The following C1orf105 variants were observed in gnomAD, a reference collection of about 807,000 sequenced individuals.
The protein encoded by C1orf105 is uncharacterized protein C1orf105.
C1orf105 carries 17 observed loss-of-function variants against 20.8 expected under a neutral mutation model. The ratio of observed to expected loss-of-function variants is 0.82; its 90% CI spans 0.56 to 1.23. The LOEUF (loss-of-function observed/expected upper bound fraction) is 1.23, where lower values mean the gene tolerates loss of function less well. C1orf105 is among the 50% of genes most tolerant of loss of function. The pLI, the probability that C1orf105 is intolerant of heterozygous loss-of-function variation, is 0.00. For synonymous variants in C1orf105, 72 were observed against 72.1 expected (o/e 1.00, Z 0.01); for missense variants, 219 against 213.5 (o/e 1.03, Z -0.16).
chr1:172,420,816 CCA>C lies in C1orf105; in HGVS notation c.-67_-66del. The C allele has an allele frequency of 6.6e-7, 1 of 1,513,982 alleles. No individual in the cohort carries two copies. The highest frequency in any genetic ancestry group is 9.2e-7 in the Non-Finnish European group (1 of 1,091,648). 93.8% of individuals were successfully genotyped at this position (1,513,982 alleles called of 1,614,324 possible). A position where few individuals can be genotyped will look rare whatever the true frequency, so the allele number is the denominator to read the frequency against. On this transcript the variant is annotated 5_prime_UTR_variant, in exon 1 of 7. Transcript: ENST00000367727. ...GTTCTCCACAGCAGTCTTCCACTGG[CCA>C]CAGTGAGGGGAGCTAGGTTTCCCCA...
chr1:172,454,417 A>G (rs1649006250), intron 3 of C1orf105, among the ~76,000 whole-genome samples: 1 of 151,762 alleles, frequency 6.6e-6, no homozygotes, highest in Non-Finnish European at 1.5e-5. Flanking sequence ...GGATGGAGGG[A>G]GGAGCTGGAG....
intron 1 of C1orf105, among the ~76,000 whole-genome samples, chr1:172,429,987 C>T (rs780554746): frequency 6.6e-6 from 1 of 152,172 alleles, no homozygotes; most frequent in African/African-American, 2.4e-5. Context: ...TTACCTGTAA[C>T]TTAGAGTGAT....
At chr1:172,444,574 T>C (rs964777788) in intron 1 of C1orf105, among the ~76,000 whole-genome samples, 4 of 152,142 alleles carry the variant, frequency 2.6e-5, no homozygotes, top group African/African-American at 9.7e-5. Context: ...AGAGGACAAA[T>C]CTAAGGCTCA....
intron 3 of C1orf105, chr1:172,453,070 G>A (rs755990886): frequency 7.5e-5 from 116 of 1,550,480 alleles, no homozygotes; most frequent in Non-Finnish European, 9.2e-5. Flanking sequence ...TGTTTGCGTC[G>A]CCTTTAAAGT....
chr1:172,441,775 C>T, intron 1 of C1orf105: 1 of 1,593,428 alleles, frequency 6.3e-7, no homozygotes, highest in African/African-American at 1.3e-5. Context: ...AGCTTCATCC[C>T]AAGGCCCATG....
intron 1 of C1orf105, chr1:172,444,399 A>G (rs2149172437): frequency 1.5e-6 from 1 of 660,112 alleles, no homozygotes; most frequent in East Asian, 1.4e-4. Context: ...CCGTGCATCC[A>G]TGCGTTCATT....
chr1:172,422,960 C>T (rs866738774), intron 1 of C1orf105, among the ~76,000 whole-genome samples: 11 of 152,280 alleles, frequency 7.2e-5, no homozygotes, highest in African/African-American at 2.6e-4. Flanking sequence ...AGGTCAGCCA[C>T]AGTAGAATAC....
intron 1 of C1orf105, among the ~76,000 whole-genome samples, chr1:172,429,227 C>T (rs1033157848): frequency 0.032 from 17 of 528 alleles, no homozygotes; most frequent in African/African-American, 0.086. Flanking sequence ...CAAATATACA[C>T]ACACACACAC....
chr1:172,426,836 C>A (rs1302778926), intron 1 of C1orf105, among the ~76,000 whole-genome samples: 1 of 152,170 alleles, frequency 6.6e-6, no homozygotes, highest in Non-Finnish European at 1.5e-5. Context: ...CAATCATTGT[C>A]ATCATGCCCA....
chr1:172,442,602 A>G, intron 1 of C1orf105: 1 of 1,613,320 alleles, frequency 6.2e-7, no homozygotes, highest in East Asian at 2.2e-5. Context: ...CCTTGGTGTT[A>G]GTCACAGGTT....
intron 1 of C1orf105, among the ~76,000 whole-genome samples, chr1:172,434,089 C>T (rs541458899): frequency 6.6e-6 from 1 of 152,160 alleles, no homozygotes; most frequent in Non-Finnish European, 1.5e-5. Flanking sequence ...TAAAGGAGCA[C>T]CCAGATTCAT....
chr1:172,446,073 C>T (rs935141915), intron 2 of C1orf105, among the ~76,000 whole-genome samples: 2 of 152,118 alleles, frequency 1.3e-5, no homozygotes, highest in African/African-American at 4.8e-5. Context: ...GCTTTGTCTA[C>T]TGTACATTAA....
chr1:172,455,469 T>G (rs775460425), intron 3 of C1orf105, among the ~76,000 whole-genome samples: 2 of 152,226 alleles, frequency 1.3e-5, no homozygotes, highest in African/African-American at 4.8e-5. Context: ...CTTCCCCATA[T>G]TCTGCACTTT....
chr1:172,468,360 T>G (rs1650211231), intron 6 of C1orf105, 89 bp from the exon 7 acceptor site: 1 of 1,007,950 alleles, frequency 9.9e-7, no homozygotes, highest in Non-Finnish European at 1.4e-6. Context: ...GTTGAAGAAG[T>G]CTTTGTTGGC....
In C1orf105 at chr1:172,445,061, A is replaced by T. The variant is rs776479388; in HGVS notation, c.22-12A>T. ...TGATATATTCTGTAAAATGTTCTCT[A>T]TTTCCCTCTAGGCTTCTGTTCCAAA... On this transcript the variant is annotated splice_polypyrimidine_tract_variant and intron_variant, in intron 1 of 6. Transcript: ENST00000367727. 6 of 1,602,378 alleles carry T rather than the reference A, an allele frequency of 3.7e-6. No individual in the cohort carries two copies. In the African/African-American group the frequency reaches 8.1e-5, roughly 22 times the overall value.
At chr1:172,433,623 C>A (rs2071940838) in intron 1 of C1orf105, among the ~76,000 whole-genome samples, 1 of 152,186 alleles carries the variant, frequency 6.6e-6, no homozygotes, top group Non-Finnish European at 1.5e-5. Context: ...TGGGAAGGAA[C>A]AACTGGTACC....
intron 1 of C1orf105, among the ~76,000 whole-genome samples, chr1:172,423,119 A>G (rs2071633572): frequency 6.6e-6 from 1 of 152,228 alleles, no homozygotes; most frequent in Non-Finnish European, 1.5e-5. Context: ...GTAGCGCCCT[A>G]GAGCCTTGAG....
Position 172,462,631 on chromosome 1 carries a change from G to A in C1orf105, c.341+386G>A, listed in dbSNP as rs924297143. ...CTTAGTCCAAGATGTTCTCTGCTAC[G>A]TTTTAGTAACTAAAATTCCTCTTTA... On this transcript the variant is annotated intron_variant, in intron 5 of 6. Coordinates refer to ENST00000367727, the MANE Select transcript of C1orf105 (RefSeq NM_139240.4). 5.3e-5 allele frequency among the ~76,000 whole-genome samples: 8 copies of A among 152,216 alleles called. No individual in the cohort carries two copies. In the East Asian group the frequency reaches 5.8e-4, roughly 11 times the overall value.
At chr1:172,441,537 T>C (rs1647307846) in intron 1 of C1orf105, 2 of 452,000 alleles carry the variant, frequency 4.4e-6, no homozygotes, top group Non-Finnish European at 7.7e-6. Flanking sequence ...AGAAAGTTTT[T>C]TCATCTACAA....
Sources: allele counts gnomAD v4.1 joint callset (sites outside exome capture counted in the v4.1 genomes callset), GRCh38; gene constraint gnomAD v4.1.1; transcripts MANE v1.5; gene names NCBI Gene and HGNC (gene_info 2026-07-23, HGNC 2026-07-21).